Variants in RRN3 observed in about 807,000 individuals in gnomAD.
RRN3 encodes RNA polymerase I transcription factor RRN3, also known as RNA polymerase I-specific transcription initiation factor RRN3.
RRN3 carries 38 observed loss-of-function variants against 82.3 expected under a neutral mutation model. That is an observed-to-expected ratio of 0.46 (90% confidence interval 0.36 to 0.61). The LOEUF is 0.61. RRN3 is among the 20% of genes least tolerant of loss of function. RRN3 has a pLI of 0.00. For missense variants in RRN3, 726 were observed against 793.1 expected (o/e 0.92, Z 1.02); for synonymous variants, 284 against 284.3 (o/e 1.00, Z 0.01).
chr16:15,091,636 C>A (rs569010222), intron 2 of RRN3, among the ~76,000 whole-genome samples: 4 of 151,858 alleles, frequency 2.6e-5, no homozygotes, highest in Admixed American at 6.6e-5. Context: ...GATACTCCTG[C>A]GAATTCTCAA....
At position 15,060,052 on chromosome 16, in the gene RRN3, T is replaced by C; in HGVS notation, c.*1692A>G. 4.6e-6 allele frequency: 1 copy of C among 215,610 alleles called. No individual in the cohort carries two copies. Among genetic ancestry groups the C allele is most frequent in the South Asian group, 5.3e-5 (1 of 18,946 alleles). 13.4% of individuals were successfully genotyped at this position (215,610 alleles called of 1,614,324 possible). A position where few individuals can be genotyped will look rare whatever the true frequency, so the allele number is the denominator to read the frequency against. The stretch of plus-strand genomic sequence containing the variant: ...AGAACATGTATTGAGGTACCTTTTA[T>C]TGGTATAAGAACGTAAGTTCCAGAT... On this transcript the variant is annotated 3_prime_UTR_variant, in exon 18 of 18. Coordinates refer to ENST00000198767, the MANE Select transcript of RRN3 (RefSeq NM_018427.5).
At chr16:15,071,290 G>C (rs2045216035) in intron 12 of RRN3, 39 bp from the exon 13 acceptor site, 1 of 1,545,024 alleles carries the variant, frequency 6.5e-7, no homozygotes, top group African/African-American at 1.4e-5. Context: ...CTTTTTTAAT[G>C]CCTAAGATAA....
At chr16:15,064,237 G>A (rs1258626586) in intron 16 of RRN3, among the ~76,000 whole-genome samples, 2 of 151,880 alleles carry the variant, frequency 1.3e-5, no homozygotes, top group African/African-American at 4.8e-5. Context: ...GTGCATTGGT[G>A]CAATCTCGGC....
At chr16:15,073,478 C>T (rs1163372872) in intron 11 of RRN3, among the ~76,000 whole-genome samples, 2 of 152,098 alleles carry the variant, frequency 1.3e-5, no homozygotes, top group African/African-American at 4.8e-5. Flanking sequence ...GAAAGACAGA[C>T]ATTATCCATT....
chr16:15,076,224 G>A (rs1400163408), intron 10 of RRN3, among the ~76,000 whole-genome samples: 1 of 152,122 alleles, frequency 6.6e-6, no homozygotes, highest in Non-Finnish European at 1.5e-5. Context: ...GCTATAAAGT[G>A]TACAAGTGGT....
At chr16:15,091,938 G>C (rs1243277686) in intron 2 of RRN3, among the ~76,000 whole-genome samples, 3 of 152,134 alleles carry the variant, frequency 2.0e-5, no homozygotes, top group Non-Finnish European at 4.4e-5. Flanking sequence ...CAGCACTTTG[G>C]GAGGCCAAGG....
rs111785782 is a variant in RRN3, at chr16:15,074,816, G to A, written c.904C>T (p.Arg302Trp). 437 of 1,613,854 alleles carry A rather than the reference G, an allele frequency of 2.7e-4. 2 individuals carry two copies. The African/African-American group carries it at 3.5e-3, about 13-fold the overall frequency. ...TEHETKAGPE[R>W]LDQMVHPVAE... ...ACAGGATGCACCATCTGGTCGAGCC[G>A]TTCAGGACCAGCCTTTGTTTCATGT... Residue 302 changes from arginine (R) to tryptophan (W), a missense_variant, in exon 11 of 18, where the codon CGG becomes TGG. Arg to Trp is a moderately radical substitution (Grantham distance 101, BLOSUM62 -3). Transcript: ENST00000198767.
At chr16:15,090,826 T>G (rs2046099482) in intron 3 of RRN3, among the ~76,000 whole-genome samples, 1 of 151,416 alleles carries the variant, frequency 6.6e-6, no homozygotes, top group African/African-American at 2.4e-5. Flanking sequence ...CAGCTTTTAC[T>G]ACATGATAGG....
chr16:15,093,403 CTTG>C (rs1379152503), intron 1 of RRN3, among the ~76,000 whole-genome samples: 1 of 152,180 alleles, frequency 6.6e-6, no homozygotes, highest in East Asian at 1.9e-4. Context: ...CCCCCATTAC[CTTG>C]TTGTATAACT....
At position 15,086,183 on chromosome 16, in the gene RRN3, G is replaced by A. The variant is rs551436669; in HGVS notation, c.418C>T (p.Gln140Ter). The A allele has an allele frequency of 2.5e-6, 4 of 1,598,466 alleles. No individual in the cohort carries two copies. Among genetic ancestry groups the A allele is most frequent in the Non-Finnish European group, 3.4e-6 (4 of 1,169,370 alleles). Residue 140 changes from glutamine to a stop codon, truncating the protein, a stop_gained, in exon 5 of 18, where the codon CAG (glutamine) becomes TAG (stop). Transcript: ENST00000198767. LOFTEE classifies it high-confidence loss of function. ...AGACACGGTCTGAGGAAAACAGTCT[G>A]TGCTGATACAAGATTACCAAGAAAA... is the stretch of plus-strand genomic sequence containing the variant. The part of the protein sequence containing the change: ...LAFLGNLVSA[Q>*]TVFLRPCLSM...
intron 5 of RRN3, among the ~76,000 whole-genome samples, 186 bp from the exon 6 acceptor site, chr16:15,085,884 TA>T (rs1433115206): frequency 6.6e-6 from 1 of 152,170 alleles, no homozygotes; most frequent in Admixed American, 6.6e-5. Flanking sequence ...TTATAGTTTT[TA>T]AACGGCTAAA....
chr16:15,091,288 C>G (rs1212984933), intron 3 of RRN3, 27 bp downstream of exon 3: 1 of 1,603,556 alleles, frequency 6.2e-7, no homozygotes, highest in East Asian at 2.2e-5. Context: ...AATAATTTTG[C>G]TAATGATCAA....
At position 15,071,163 on chromosome 16, in the gene RRN3, TAATTTC is replaced by T; in HGVS notation, c.1211_1216del (p.Gly404_Tyr406delinsAsp). On this transcript the variant is annotated inframe_deletion, in exon 13 of 18. Transcript: ENST00000198767. ...AGCTCTTGCCAAAAAGCTTCCAATA[TAATTTC>T]CAGCAGCCTGCCTGATGATGGCAGG... The T allele has an allele frequency of 6.2e-7, 1 of 1,610,372 alleles. No homozygotes were observed. Among genetic ancestry groups the T allele is most frequent in the Non-Finnish European group, 8.5e-7 (1 of 1,179,356 alleles).
Position 15,065,380 on chromosome 16 carries a change from C to T in RRN3, c.1554-9G>A, listed in dbSNP as rs756629489. The T allele has an allele frequency of 5.1e-5, 82 of 1,608,904 alleles. No individual in the cohort carries two copies. Among genetic ancestry groups the T allele is most frequent in the Non-Finnish European group, 6.5e-5 (77 of 1,177,478 alleles). On this transcript the variant is annotated splice_polypyrimidine_tract_variant and intron_variant, in intron 15 of 17. Coordinates refer to ENST00000198767, the MANE Select transcript of RRN3 (RefSeq NM_018427.5). ...AGACGAGCTGGTACTTACTGTGGAA[C>T]AAAAAAACAACACAGACAGAGGCAT...
Position 15,086,887 on chromosome 16 carries a change from T to C in RRN3, c.253-433A>G, listed in dbSNP as rs185522030. On this transcript the variant is annotated intron_variant, in intron 3 of 17. Coordinates refer to ENST00000198767, the MANE Select transcript of RRN3 (RefSeq NM_018427.5). ...TAAAACTCAGTCGAGGCTGATCAAT[T>C]GGGGTCATGAATAAACATAACTTTT... Among the ~76,000 whole-genome samples the C allele has an allele frequency of 2.9e-3, 448 of 152,310 alleles. 2 individuals carry two copies. The highest frequency in any genetic ancestry group is 0.01 in the African/African-American group (423 of 41,570).
chr16:15,064,923 T>C (rs1232740339), intron 16 of RRN3, among the ~76,000 whole-genome samples: 4 of 152,078 alleles, frequency 2.6e-5, no homozygotes, highest in African/African-American at 4.8e-5. Context: ...TCCCAGCACT[T>C]TGGGAGGCCG....
At chr16:15,067,701 A>G (rs1024591558) in intron 15 of RRN3, among the ~76,000 whole-genome samples, 7 of 151,908 alleles carry the variant, frequency 4.6e-5, no homozygotes, top group Non-Finnish European at 7.4e-5. Flanking sequence ...GTAATTTCCA[A>G]CGCCATCAAA....
chr16:15,071,239 C>A lies in RRN3; in HGVS notation c.1141G>T (p.Ala381Ser). The change falls in exon 13 of 18, where the codon GCA becomes TCA. Residue 381 changes from alanine (A) to serine (S), a missense_variant. Transcript: ENST00000198767. ...TTTTTCCAGAGATGTTCCAAAAATG[C>A]CTCTGCGAATCCCTATAAAAAGAGA... ...LCSFKLGFAE[A>S]FLEHLWKKLQ... 16 of 1,609,854 alleles carry A rather than the reference C, an allele frequency of 9.9e-6. No individual in the cohort carries two copies. The highest frequency in any genetic ancestry group is 1.4e-5 in the Non-Finnish European group (16 of 1,179,040).
chr16:15,094,214 T>C lies in RRN3; in HGVS notation c.20A>G (p.His7Arg). The C allele has an allele frequency of 6.3e-7, 1 of 1,595,732 alleles. No individual in the cohort carries two copies. The highest frequency in any genetic ancestry group is 8.5e-7 in the Non-Finnish European group (1 of 1,171,818). ...GGCCGCATCTCCCGGCAAACGCGTGTGAAGCAGCGGTGCCGCCATTGGGCC... is the reference window on the plus strand; with the variant it reads ...GGCCGCATCTCCCGGCAAACGCGTGCGAAGCAGCGGTGCCGCCATTGGGCC... MAAPLL[H>R]TRLPGDAAAS... The change falls in exon 1 of 18, where the codon CAC becomes CGC. Residue 7 changes from histidine to arginine, a missense_variant. Transcript: ENST00000198767.
Sources: gnomAD v4.1 joint callset for allele counts (sites outside exome capture counted in the v4.1 genomes callset) on GRCh38, gnomAD v4.1.1 for gene constraint, MANE v1.5 for transcripts, NCBI Gene and HGNC (gene_info 2026-07-23, HGNC 2026-07-21) for gene names.